RASSF3: variants seen among roughly 807,000 people sequenced by gnomAD.
The protein encoded by RASSF3 is ras association domain-containing protein 3.
RASSF3 carries 19 observed loss-of-function variants against 19.9 expected under a neutral mutation model. The ratio of observed to expected loss-of-function variants is 0.96; its 90% confidence interval spans 0.67 to 1.40. The LOEUF (loss-of-function observed/expected upper bound fraction) is 1.40, where lower values mean the gene tolerates loss of function less well. Ranked by LOEUF, RASSF3 falls within the 40% of genes most tolerant of loss-of-function variation. The pLI is 0.00. For missense variants in RASSF3, 306 were observed against 289.8 expected, an observed-to-expected ratio of 1.06 and a Z score of -0.41; for synonymous variants, 110 against 104.2, an observed-to-expected ratio of 1.06 and a Z score of -0.34.
At chr12:64,543,815 C>T (rs995195179), downstream of RASSF3, among the ~76,000 whole-genome samples, 1 of 151,774 alleles carries the variant, frequency 6.6e-6, no homozygotes, top group African/African-American at 2.4e-5. Context: ...GTAAATGCAC[C>T]AATCAGCACT....
At chr12:64,507,938 C>T (rs1159671023) in intron 1 of RASSF3, among the ~76,000 whole-genome samples, 1 of 152,072 alleles carries the variant, frequency 6.6e-6, no homozygotes, top group African/African-American at 2.4e-5. Flanking sequence ...GAGTAGATGA[C>T]CCCTCCAAGT....
At chr12:64,508,215 C>T (rs904764524) in intron 1 of RASSF3, among the ~76,000 whole-genome samples, 1 of 152,082 alleles carries the variant, frequency 6.6e-6, no homozygotes, top group South Asian at 2.1e-4. Context: ...GCCAGATCCT[C>T]CTTTAAAAAC....
chr12:64,634,896 A>T (rs1347448688), intron 1 of RASSF3, among the ~76,000 whole-genome samples: 1 of 151,596 alleles, frequency 6.6e-6, no homozygotes, highest in Non-Finnish European at 1.5e-5. Context: ...ACAAGTTAGT[A>T]CAAGTTTATT....
chr12:64,642,990 G>T (rs1399044773), intron 1 of RASSF3, among the ~76,000 whole-genome samples: 2 of 151,766 alleles, frequency 1.3e-5, no homozygotes, highest in Non-Finnish European at 2.9e-5. Flanking sequence ...CTCAGCCTCA[G>T]CTGGGACTAC....
intron 2 of RASSF3, among the ~76,000 whole-genome samples, chr12:64,569,896 C>A (rs778329154): frequency 6.6e-6 from 1 of 152,164 alleles, no homozygotes; most frequent in East Asian, 1.9e-4. Context: ...ACCGGGGAGG[C>A]GGAGATTGCA....
At chr12:64,556,795 T>C (rs1869262883) in intron 2 of RASSF3, among the ~76,000 whole-genome samples, 1 of 151,230 alleles carries the variant, frequency 6.6e-6, no homozygotes, top group Non-Finnish European at 1.5e-5. Context: ...AGGGGCACAA[T>C]TGGTATTCAT....
chr12:64,514,290 G>C (rs972424019), intron 1 of RASSF3, among the ~76,000 whole-genome samples: 2 of 148,664 alleles, frequency 1.3e-5, no homozygotes. Context: ...AGGTTCAAGC[G>C]ATTCTCCTGC....
At chr12:64,512,414 C>A (rs1868333641) in intron 1 of RASSF3, among the ~76,000 whole-genome samples, 4 of 151,982 alleles carry the variant, frequency 2.6e-5, no homozygotes, top group Admixed American at 1.3e-4. Context: ...AAGTTCAAGT[C>A]CAGCCTGAGC....
chr12:64,659,347 G>A (rs1872264467), intron 1 of RASSF3, among the ~76,000 whole-genome samples: 3 of 152,160 alleles, frequency 2.0e-5, no homozygotes, highest in Admixed American at 6.5e-5. Flanking sequence ...AATGGAACCT[G>A]TACTGTCCTC....
At chr12:64,544,103 T>G (rs757209045), downstream of RASSF3, among the ~76,000 whole-genome samples, 2 of 152,012 alleles carry the variant, frequency 1.3e-5, no homozygotes, top group Admixed American at 1.3e-4. Flanking sequence ...CGCACAGTTC[T>G]TTAGGTGTTT....
At chr12:64,633,796 A>G (rs557696764) in intron 1 of RASSF3, among the ~76,000 whole-genome samples, 1 of 152,254 alleles carries the variant, frequency 6.6e-6, no homozygotes, top group African/African-American at 2.4e-5. Context: ...AGACAAGGGA[A>G]AGTTTTGGAA....
rs113794434 is a variant in RASSF3 at position 64,520,325 on chromosome 12, G to T, written c.169+12996G>T. ...CTACAGGCACATGCCGCCATGCCCG[G>T]CTAATTTTTGTATTTTTAGTAGAGA... On this transcript the variant is annotated intron_variant, in intron 1 of 5. Transcript: ENST00000637125. Among the ~76,000 whole-genome samples, 445 of 151,784 alleles carry T rather than the reference G, an allele frequency of 2.9e-3. 1 individual carries two copies. The highest frequency in any genetic ancestry group is 0.01 in the African/African-American group (426 of 41,424).
intron 1 of RASSF3, among the ~76,000 whole-genome samples, chr12:64,520,741 A>G (rs554767272): frequency 9.0e-6 from 1 of 111,374 alleles, no homozygotes; most frequent in Non-Finnish European, 1.8e-5. Flanking sequence ...AGGACATTGG[A>G]AAAAAAAGAG....
At chr12:64,669,570 A>T (rs1872630325) in intron 1 of RASSF3, among the ~76,000 whole-genome samples, 1 of 151,974 alleles carries the variant, frequency 6.6e-6, no homozygotes, top group Non-Finnish European at 1.5e-5. Context: ...CATTATGTTA[A>T]ATTCAGTTTC....
chr12:64,523,937 A>G (rs1302421205), intron 1 of RASSF3, among the ~76,000 whole-genome samples: 5 of 152,070 alleles, frequency 3.3e-5, no homozygotes, highest in African/African-American at 1.2e-4. Flanking sequence ...CCCACAGCCC[A>G]GTTCCTGAGC....
intron 2 of RASSF3, among the ~76,000 whole-genome samples, chr12:64,592,305 T>A (rs1324153021): frequency 3.9e-5 from 6 of 152,226 alleles, no homozygotes; most frequent in African/African-American, 1.4e-4. Flanking sequence ...TTATTCCATA[T>A]CAGTGTACTG....
At chr12:64,560,602 A>G (rs748205093) in intron 2 of RASSF3, among the ~76,000 whole-genome samples, 1 of 152,194 alleles carries the variant, frequency 6.6e-6, no homozygotes, top group Admixed American at 6.5e-5. Flanking sequence ...CACGCCCCGT[A>G]TATCATTCAG....
At chr12:64,546,499 T>G (rs1869065732), downstream of RASSF3, among the ~76,000 whole-genome samples, 1 of 152,174 alleles carries the variant, frequency 6.6e-6, no homozygotes, top group South Asian at 2.1e-4. Flanking sequence ...CTCGATCTCC[T>G]GACCTCGTGA....
intron 1 of RASSF3, among the ~76,000 whole-genome samples, chr12:64,633,506 T>G (rs1190044567): frequency 6.6e-6 from 1 of 152,136 alleles, no homozygotes; most frequent in African/African-American, 2.4e-5. Flanking sequence ...CCCCTTTTCC[T>G]TTCACCTCCT....
Sources: gnomAD v4.1 joint callset for allele counts (sites outside exome capture counted in the v4.1 genomes callset) on GRCh38, gnomAD v4.1.1 for gene constraint, MANE v1.5 for transcripts, NCBI Gene and HGNC (gene_info 2026-07-23, HGNC 2026-07-21) for gene names.